The following KIF21A variants were observed in gnomAD, a reference collection of about 807,000 sequenced individuals.
The protein encoded by KIF21A is kinesin-like protein KIF21A.
In KIF21A, 114 loss-of-function variants were observed where a neutral mutation model predicts 202.9. The observed-to-expected ratio is 0.56, with a 90% CI of 0.48 to 0.66. The LOEUF (loss-of-function observed/expected upper bound fraction) is 0.66. KIF21A is among the 30% of genes least tolerant of loss of function. The pLI is 0.00. For missense variants in KIF21A, 1,677 were observed against 1,994.9 expected, an observed-to-expected ratio of 0.84 and a Z score of 3.04; for synonymous variants, 667 against 670.8, an observed-to-expected ratio of 0.99 and a Z score of 0.09.
chr12:39,325,665 T>C (rs1945824315), intron 26 of KIF21A, among the ~76,000 whole-genome samples, 174 bp downstream of exon 26: 1 of 151,966 alleles, frequency 6.6e-6, no homozygotes, highest in South Asian at 2.1e-4. Context: ...ATATAAATTT[T>C]TTCAGTTACC....
intron 31 of KIF21A, 27 bp from the exon 32 acceptor site, chr12:39,311,580 C>A (rs747581129): frequency 6.2e-7 from 1 of 1,611,256 alleles, no homozygotes; most frequent in East Asian, 2.2e-5. Context: ...ACAAACAAAC[C>A]AAGACTCACT....
At position 39,366,583 on chromosome 12, in the gene KIF21A, C is replaced by A. The variant is rs369292908; in HGVS notation, c.736-66G>T. On this transcript the variant is annotated intron_variant, in intron 5 of 37. Transcript: ENST00000361418. Reference sequence around the variant, plus strand: ...AACATTAAATATCCTCCTAACCTACCTTGCGCTTATCCCATGTACACATAT... The same window carrying A: ...AACATTAAATATCCTCCTAACCTACATTGCGCTTATCCCATGTACACATAT... 5.2e-5 allele frequency: 64 copies of A among 1,229,276 alleles called. 1 individual carries two copies. In the East Asian group the frequency reaches 1.3e-3, roughly 24 times the overall value. The allele number at this position is 1,229,276 out of a possible 1,614,324, so 76.1% of individuals were successfully genotyped here. A position where few individuals can be genotyped will look rare whatever the true frequency, so the allele number is the denominator to read the frequency against.
chr12:39,397,502 T>C (rs149311095), intron 1 of KIF21A, among the ~76,000 whole-genome samples: 164 of 152,250 alleles, frequency 1.1e-3, no homozygotes, highest in African/African-American at 3.9e-3. Context: ...CACCCTCTAA[T>C]ATATTATGTA....
At chr12:39,356,484 G>GGTTGCCGT in intron 10 of KIF21A, 2 of 184,556 alleles carry the variant, frequency 1.1e-5, no homozygotes, top group South Asian at 1.4e-4. Context: ...TGTAGATATT[G>GGTTGCCGT]ATCTATTCCC....
chr12:39,363,346 T>C (rs1263802264), intron 6 of KIF21A, 133 bp from the exon 7 acceptor site: 3 of 614,734 alleles, frequency 4.9e-6, no homozygotes, highest in African/African-American at 1.9e-5. Context: ...GGTTTTGTTT[T>C]ACATTTGTAA....
chr12:39,426,407 GA>G (rs1954756900), intron 1 of KIF21A, among the ~76,000 whole-genome samples: 1 of 152,114 alleles, frequency 6.6e-6, no homozygotes, highest in Non-Finnish European at 1.5e-5. Context: ...CATATGTGAT[GA>G]AAATAGGAAT....
At chr12:39,389,396 C>T (rs991173220) in intron 1 of KIF21A, among the ~76,000 whole-genome samples, 3 of 152,110 alleles carry the variant, frequency 2.0e-5, no homozygotes, top group Non-Finnish European at 2.9e-5. Context: ...TCATCCATGA[C>T]ACAAATTAGC....
intron 1 of KIF21A, among the ~76,000 whole-genome samples, chr12:39,374,811 C>T (rs955138547): frequency 1.8e-4 from 27 of 152,106 alleles, no homozygotes; most frequent in African/African-American, 5.6e-4. Flanking sequence ...TTACTAATTC[C>T]AAGTTTAAAT....
intron 32 of KIF21A, 57 bp from the exon 33 acceptor site, chr12:39,309,823 T>C (rs764539854): frequency 9.6e-6 from 13 of 1,357,372 alleles, no homozygotes; most frequent in South Asian, 6.3e-5. Flanking sequence ...CTTTAGGTTC[T>C]CTTAACAATA....
intron 37 of KIF21A, among the ~76,000 whole-genome samples, chr12:39,297,613 C>T (rs994609959): frequency 8.7e-5 from 13 of 149,784 alleles, no homozygotes; most frequent in African/African-American, 3.2e-4. Context: ...GGAGGGATAG[C>T]ATTGGGAGAT....
chr12:39,424,256 C>T lies in KIF21A; in HGVS notation c.44+18671G>A, dbSNP rs911670613. Reference sequence around the variant, plus strand: ...CAACATCTAAAGTCAACTTTTAGGACAACATACTCTCACTGCTTTCTCCTA... The same window carrying T: ...CAACATCTAAAGTCAACTTTTAGGATAACATACTCTCACTGCTTTCTCCTA... On this transcript the variant is annotated intron_variant, in intron 1 of 37. Transcript: ENST00000361418. Among the ~76,000 whole-genome samples, 11 of 152,210 alleles carry T rather than the reference C, an allele frequency of 7.2e-5. No individual in the cohort carries two copies. In the South Asian group the frequency reaches 1.7e-3, roughly 23 times the overall value.
At chr12:39,307,977 C>T (rs1467752780) in intron 33 of KIF21A, among the ~76,000 whole-genome samples, 4 of 151,992 alleles carry the variant, frequency 2.6e-5, no homozygotes, top group Admixed American at 1.3e-4. Context: ...TGGTTTAAAA[C>T]TCTTACTTGG....
At chr12:39,414,646 T>C (rs1953389133) in intron 1 of KIF21A, among the ~76,000 whole-genome samples, 1 of 151,996 alleles carries the variant, frequency 6.6e-6, no homozygotes, top group South Asian at 2.1e-4. Context: ...CAGAGAACAT[T>C]AGGAAAATGA....
Position 39,370,268 on chromosome 12 carries a change from G to C in KIF21A, c.45-7C>G. On this transcript the variant is annotated splice_polypyrimidine_tract_variant and splice_region_variant and intron_variant, in intron 1 of 37. Transcript: ENST00000361418. ...GGCAAGCTGTGGTCTTATTCTGTGA[G>C]AAATAATCAGAAAAGAAAAAAATAA... 6.4e-7 allele frequency: 1 copy of C among 1,574,620 alleles called. No individual in the cohort carries two copies. Among genetic ancestry groups the C allele is most frequent in the Admixed American group, 1.7e-5 (1 of 58,724 alleles).
At chr12:39,337,934 G>T in intron 16 of KIF21A, among the ~76,000 whole-genome samples, 1 of 152,098 alleles carries the variant, frequency 6.6e-6, no homozygotes, top group East Asian at 1.9e-4. Flanking sequence ...TATAGTCCAT[G>T]ATACCTGATA....
At chr12:39,342,415 G>A (rs1195307700) in intron 12 of KIF21A, among the ~76,000 whole-genome samples, 1 of 152,126 alleles carries the variant, frequency 6.6e-6, no homozygotes, top group Non-Finnish European at 1.5e-5. Context: ...ACTAGTCACA[G>A]TAGCAGCCAA....
At chr12:39,333,809 A>G (rs922017612) in intron 17 of KIF21A, among the ~76,000 whole-genome samples, 1 of 152,144 alleles carries the variant, frequency 6.6e-6, no homozygotes, top group Non-Finnish European at 1.5e-5. Flanking sequence ...TGCACTGACT[A>G]TTAATTTGTT....
chr12:39,351,660 G>C (rs1285792528), intron 11 of KIF21A, 117 bp downstream of exon 11: 1 of 648,822 alleles, frequency 1.5e-6, no homozygotes, highest in African/African-American at 1.8e-5. Context: ...AGCTAACATA[G>C]TGATTTATTT....
At chr12:39,433,545 C>A (rs1938253618) in intron 1 of KIF21A, among the ~76,000 whole-genome samples, 1 of 152,124 alleles carries the variant, frequency 6.6e-6, no homozygotes, top group Admixed American at 6.5e-5. Flanking sequence ...TCTGGTGCAA[C>A]CTAATTCAGA....
Sources: allele counts gnomAD v4.1 joint callset (sites outside exome capture counted in the v4.1 genomes callset), GRCh38; gene constraint gnomAD v4.1.1; transcripts MANE v1.5; gene names NCBI Gene and HGNC (gene_info 2026-07-23, HGNC 2026-07-21).